TRIP12: variants seen among roughly 807,000 people sequenced by gnomAD.
The protein encoded by TRIP12 is thyroid hormone receptor interactor 12, also known as E3 ubiquitin-protein ligase TRIP12.
In TRIP12, 25 loss-of-function variants were observed where a neutral mutation model predicts 244.2. The observed-to-expected ratio is 0.10, with a 90% CI of 0.07 to 0.14. The LOEUF is 0.14. TRIP12 is among the 10% of genes least tolerant of loss of function. TRIP12 has a pLI of 1.00. For synonymous variants in TRIP12, 905 were observed against 873.1 expected (o/e 1.04, Z -0.64); for missense variants, 1,677 against 2,486.4 (o/e 0.67, Z 6.92).
intron 4 of TRIP12, among the ~76,000 whole-genome samples, chr2:229,850,952 C>G (rs538584478): frequency 6.6e-6 from 1 of 152,198 alleles, no homozygotes; most frequent in Non-Finnish European, 1.5e-5. Context: ...GCTGCCTTCC[C>G]GCAGCGCAGG....
intron 4 of TRIP12, among the ~76,000 whole-genome samples, chr2:229,842,890 A>G (rs1034078785): frequency 6.6e-6 from 1 of 152,212 alleles, no homozygotes; most frequent in Non-Finnish European, 1.5e-5. Flanking sequence ...GTCTTCAACT[A>G]TAACTTAAAT....
chr2:229,850,362 GAACTTCTA>G (rs2058428244), intron 4 of TRIP12, among the ~76,000 whole-genome samples: 1 of 152,098 alleles, frequency 6.6e-6, no homozygotes, highest in Non-Finnish European at 1.5e-5. Flanking sequence ...TCACATATTG[GAACTTCTA>G]AACTTTTAAG....
At chr2:229,906,711 C>A (rs1455006920) in intron 1 of TRIP12, among the ~76,000 whole-genome samples, 1 of 147,320 alleles carries the variant, frequency 6.8e-6, no homozygotes, top group African/African-American at 2.5e-5. Flanking sequence ...CACGGTAAGA[C>A]TCCACCTCAA....
intron 1 of TRIP12, among the ~76,000 whole-genome samples, chr2:229,901,336 T>C (rs2070750336): frequency 6.6e-6 from 1 of 152,022 alleles, no homozygotes; most frequent in African/African-American, 2.4e-5. Flanking sequence ...AGTGGCTCAC[T>C]TTGGCCAGGC....
chr2:229,891,694 G>C (rs1039723436), intron 1 of TRIP12, among the ~76,000 whole-genome samples: 1 of 152,186 alleles, frequency 6.6e-6, no homozygotes, highest in Admixed American at 6.5e-5. Context: ...TGACAACTGT[G>C]ACACAGATTT....
rs747707894 is a variant in TRIP12 at position 229,765,877 on chromosome 2, T to G, written c.*1677A>C. On this transcript the variant is annotated 3_prime_UTR_variant, in exon 42 of 42. Transcript: ENST00000675903. ...CTCTGCAGAGACAGGGAGAGAATTC[T>G]CTGCCCCCAACTCCTCTGACAGTTC... 6.6e-6 allele frequency: 1 copy of G among 152,224 alleles called. No homozygotes were observed. The highest frequency in any genetic ancestry group is 1.5e-5 in the Non-Finnish European group (1 of 68,042). 9.4% of individuals were successfully genotyped at this position (152,224 alleles called of 1,614,324 possible).
chr2:229,866,454 T>C (rs1254785765), intron 2 of TRIP12, among the ~76,000 whole-genome samples: 1 of 152,248 alleles, frequency 6.6e-6, no homozygotes, highest in African/African-American at 2.4e-5. Flanking sequence ...CTTTTGTTTA[T>C]CTTTGTAAAA....
At chr2:229,907,929 A>G (rs942311221) in intron 1 of TRIP12, among the ~76,000 whole-genome samples, 5 of 152,130 alleles carry the variant, frequency 3.3e-5, no homozygotes, top group African/African-American at 9.7e-5. Context: ...GGATATATAT[A>G]CTATTTTTAC....
At chr2:229,810,777 T>C (rs752488396) in intron 15 of TRIP12, 103 bp downstream of exon 15, 32 of 1,183,714 alleles carry the variant, frequency 2.7e-5, no homozygotes, top group Non-Finnish European at 3.3e-5. Context: ...CCAATGCCTA[T>C]AATATTAGTA....
Position 229,796,595 on chromosome 2 carries a change from G to T in TRIP12, c.3812C>A (p.Ser1271Tyr), listed in dbSNP as rs144526249. The T allele has an allele frequency of 1.6e-4, 253 of 1,584,836 alleles. No homozygotes were observed. Among genetic ancestry groups the T allele is most frequent in the Non-Finnish European group, 2.1e-4 (247 of 1,170,018 alleles). Reference sequence around the variant, plus strand: ...AGGCATTATTAGATAACTTACTGGAGAAGAAAAAAATACATGAAGAAATCG... The same window carrying T: ...AGGCATTATTAGATAACTTACTGGATAAGAAAAAAATACATGAAGAAATCG... ...LKRFLHVFFS[S>Y]PLPGEEPIGR... Residue 1271 changes from serine (S) to tyrosine (Y), a missense_variant, in exon 25 of 42, where the codon TCT becomes TAT. This residue lies in a region of TRIP12 where 77 missense variants were observed against 69.2 expected (regional missense o/e 1.11). Coordinates refer to ENST00000675903, the MANE Select transcript of TRIP12 (RefSeq NM_001348323.3).
At chr2:229,875,866 T>C (rs1048441502) in intron 2 of TRIP12, among the ~76,000 whole-genome samples, 1 of 152,178 alleles carries the variant, frequency 6.6e-6, no homozygotes, top group African/African-American at 2.4e-5. Context: ...AATAAATATA[T>C]AGCTGTAATT....
intron 1 of TRIP12, among the ~76,000 whole-genome samples, chr2:229,881,976 A>G (rs2064982242): frequency 6.6e-6 from 1 of 152,252 alleles, no homozygotes; most frequent in African/African-American, 2.4e-5. Flanking sequence ...CTGCTCTAGC[A>G]TAACAGCTTT....
chr2:229,803,116 GTGAA>G (rs2044865758), intron 20 of TRIP12, among the ~76,000 whole-genome samples: 1 of 152,226 alleles, frequency 6.6e-6, no homozygotes, highest in Non-Finnish European at 1.5e-5. Context: ...TTTAACGTGA[GTGAA>G]TGAGCACACG....
At chr2:229,831,321 T>C (rs934361124) in intron 6 of TRIP12, among the ~76,000 whole-genome samples, 9 of 152,240 alleles carry the variant, frequency 5.9e-5, no homozygotes, top group Non-Finnish European at 1.3e-4. Flanking sequence ...CAATCATTTA[T>C]CTGTTTTCAT....
rs1431748158 is a variant in TRIP12 at position 229,765,152 on chromosome 2, A to G, written c.*2402T>C. 6.6e-6 allele frequency: 1 copy of G among 152,222 alleles called. No homozygotes were observed. The highest frequency in any genetic ancestry group is 1.5e-5 in the Non-Finnish European group (1 of 68,044). The allele number at this position is 152,222 out of a possible 1,614,324, so 9.4% of individuals were successfully genotyped here. On this transcript the variant is annotated 3_prime_UTR_variant, in exon 42 of 42. Coordinates refer to ENST00000675903, the MANE Select transcript of TRIP12 (RefSeq NM_001348323.3). ...GATCGAATCAGTAACTGTCTAAATG[A>G]CAACACAAATTCGGTGTTAGCTATG...
chr2:229,809,043 G>A (rs573275552), intron 15 of TRIP12, among the ~76,000 whole-genome samples: 33 of 152,284 alleles, frequency 2.2e-4, no homozygotes, highest in Admixed American at 1.3e-3. Context: ...ACACAGCTGG[G>A]TCTTTGCTGA....
chr2:229,840,843 G>T lies in TRIP12; in HGVS notation c.1112C>A (p.Thr371Lys). The T allele has an allele frequency of 6.3e-7, 1 of 1,599,120 alleles. No homozygotes were observed. The highest frequency in any genetic ancestry group is 8.5e-7 in the Non-Finnish European group (1 of 1,175,798). ...SLRRSTRQKT[T>K]GSCASTSRRG... Reference sequence around the variant, plus strand: ...TTACCTGGTACTAGCACAGGAGCCCGTGGTCTTTTGGCGTGTGCTCCGCCT... The same window carrying T: ...TTACCTGGTACTAGCACAGGAGCCCTTGGTCTTTTGGCGTGTGCTCCGCCT... Residue 371 changes from threonine (T) to lysine (K), a missense_variant, in exon 5 of 42, where the codon ACG becomes AAG. By Grantham distance (78) the Thr-to-Lys change is moderately conservative. Transcript: ENST00000675903.
At chr2:229,770,412 T>C (rs1173918299) in intron 39 of TRIP12, among the ~76,000 whole-genome samples, 1 of 152,174 alleles carries the variant, frequency 6.6e-6, no homozygotes, top group Admixed American at 6.5e-5. Context: ...TGCCTACAAG[T>C]ATCAGGCACA....
chr2:229,837,250 C>T (rs1361139726), intron 5 of TRIP12, among the ~76,000 whole-genome samples: 2 of 152,176 alleles, frequency 1.3e-5, no homozygotes, highest in African/African-American at 4.8e-5. Context: ...TTTTAAAACA[C>T]TTCCAACTAA....
Sources: allele counts gnomAD v4.1 joint callset (sites outside exome capture counted in the v4.1 genomes callset), GRCh38; gene constraint gnomAD v4.1.1; regional missense constraint gnomAD v4.1.1; transcripts MANE v1.5; gene names NCBI Gene and HGNC (gene_info 2026-07-23, HGNC 2026-07-21).